Variants in SCARA3 observed in about 807,000 individuals in gnomAD.
The protein encoded by SCARA3 is cellular stress response gene protein.
Under a neutral mutation model 47.0 loss-of-function variants are expected in SCARA3, and 39 were observed. The observed-to-expected ratio is 0.83, with a 90% CI of 0.64 to 1.08. The LOEUF is 1.08. Among genes scored for constraint, SCARA3 ranks in the 50% least tolerant of loss-of-function variants. The probability of loss-of-function intolerance (pLI) is 0.00; values close to 1 mark genes in which losing one functional copy is unlikely to be tolerated. For missense variants in SCARA3, 724 were observed against 792.3 expected, an observed-to-expected ratio of 0.91 and a Z score of 1.04; for synonymous variants, 356 against 334.1, an observed-to-expected ratio of 1.07 and a Z score of -0.71.
At chr8:27,708,460 G>GGGGT in the SCARA3 span, among the ~76,000 whole-genome samples, 2 of 152,044 alleles carry the variant, frequency 1.3e-5, no homozygotes, top group Non-Finnish European at 2.9e-5. Context: ...TTGAGAGGAT[G>GGGGT]GGGTGGGGGA....
At chr8:27,647,878 C>A (rs1003888515) in intron 1 of SCARA3, among the ~76,000 whole-genome samples, 1 of 152,242 alleles carries the variant, frequency 6.6e-6, no homozygotes, top group Non-Finnish European at 1.5e-5. Flanking sequence ...ACCAACAGCG[C>A]CTTGCCAACT....
chr8:27,643,363 G>A (rs370853074), intron 1 of SCARA3, among the ~76,000 whole-genome samples: 1 of 152,216 alleles, frequency 6.6e-6, no homozygotes, highest in African/African-American at 2.4e-5. Flanking sequence ...CTTTAGGGAT[G>A]CAGGAGCTTG....
At chr8:27,651,425 C>T (rs760698512) in intron 2 of SCARA3, 83 bp from the exon 3 acceptor site, 4 of 1,519,036 alleles carry the variant, frequency 2.6e-6, no homozygotes, top group Non-Finnish European at 2.7e-6. Flanking sequence ...ATGAGACAGA[C>T]CAGAGCAGGA....
chr8:27,707,280 G>A, the SCARA3 span, among the ~76,000 whole-genome samples: 8 of 152,230 alleles, frequency 5.3e-5, no homozygotes, highest in East Asian at 1.5e-3. Context: ...TCCCCCAAAG[G>A]AATGGCAAAG....
intron 5 of SCARA3, among the ~76,000 whole-genome samples, chr8:27,665,343 T>C (rs1454452777): frequency 6.6e-6 from 1 of 152,242 alleles, no homozygotes; most frequent in Non-Finnish European, 1.5e-5. Flanking sequence ...ACAGAAAGAC[T>C]GTGGTACTTT....
At chr8:27,730,628 G>A in the SCARA3 span, among the ~76,000 whole-genome samples, 1 of 151,806 alleles carries the variant, frequency 6.6e-6, no homozygotes, top group South Asian at 2.1e-4. Context: ...GGACTATAAG[G>A]CGACTGCCAA....
chr8:27,707,969 A>G, the SCARA3 span, among the ~76,000 whole-genome samples: 367 of 152,348 alleles, frequency 2.4e-3, 2 homozygotes, highest in African/African-American at 8.4e-3. Flanking sequence ...TTTGCCAGAC[A>G]TGCAAAGATT....
At chr8:27,710,374 A>C in the SCARA3 span, among the ~76,000 whole-genome samples, 1 of 152,178 alleles carries the variant, frequency 6.6e-6, no homozygotes, top group African/African-American at 2.4e-5. Flanking sequence ...ATTGCCATAC[A>C]TTCGCATATT....
chr8:27,679,883 C>G (rs963481335), downstream of SCARA3: 5 of 152,092 alleles, frequency 3.3e-5, no homozygotes, highest in South Asian at 2.1e-4. Context: ...CAGAGATTAG[C>G]CTGACCCTTG....
chr8:27,657,833 C>G (rs1429134011), intron 4 of SCARA3, among the ~76,000 whole-genome samples: 1 of 152,152 alleles, frequency 6.6e-6, no homozygotes, highest in Non-Finnish European at 1.5e-5. Context: ...AGCCACTGCA[C>G]CCAGCATCTA....
chr8:27,674,492 G>A (rs1802232290), downstream of SCARA3, among the ~76,000 whole-genome samples: 1 of 152,140 alleles, frequency 6.6e-6, no homozygotes, highest in Admixed American at 6.5e-5. Flanking sequence ...CTGACATGCT[G>A]TGTTCCTCTG....
chr8:27,648,117 G>GT (rs1365706116), intron 1 of SCARA3, among the ~76,000 whole-genome samples: 1 of 152,228 alleles, frequency 6.6e-6, no homozygotes, highest in African/African-American at 2.4e-5. Context: ...CCTCAAGGTG[G>GT]TTGTAGGTAT....
chr8:27,661,951 C>A (rs1427199508), intron 5 of SCARA3, among the ~76,000 whole-genome samples: 1 of 152,162 alleles, frequency 6.6e-6, no homozygotes, highest in Admixed American at 6.5e-5. Context: ...TTCCCCTTGG[C>A]AGTCAGGATC....
At chr8:27,713,407 T>C in the SCARA3 span, among the ~76,000 whole-genome samples, 1 of 152,252 alleles carries the variant, frequency 6.6e-6, no homozygotes, top group African/African-American at 2.4e-5. Context: ...GTTTCCTTTG[T>C]AGAGTAACTC....
the SCARA3 span, among the ~76,000 whole-genome samples, chr8:27,716,861 C>T: frequency 2.4e-4 from 37 of 152,264 alleles, no homozygotes; most frequent in African/African-American, 7.0e-4. Flanking sequence ...TTGATTAAAA[C>T]GAACACCGCC....
intron 5 of SCARA3, 127 bp downstream of exon 5, chr8:27,659,666 T>A: frequency 1.3e-6 from 1 of 753,830 alleles, no homozygotes; most frequent in Non-Finnish European, 2.1e-6. Context: ...AGCAAATGCC[T>A]ACAGCAGTCG....
chr8:27,658,475 T>A, intron 4 of SCARA3, 21 bp from the exon 5 acceptor site: 2 of 1,570,738 alleles, frequency 1.3e-6, no homozygotes, highest in Non-Finnish European at 8.6e-7. Flanking sequence ...CAACTCAAAC[T>A]GTTATCCCTT....
chr8:27,635,363 G>A (rs889245252), intron 1 of SCARA3, among the ~76,000 whole-genome samples: 3 of 152,144 alleles, frequency 2.0e-5, no homozygotes, highest in African/African-American at 7.2e-5. Flanking sequence ...TGGCTTCATG[G>A]CTTCTGCAAC....
At chr8:27,729,123 G>C in the SCARA3 span, among the ~76,000 whole-genome samples, 6 of 152,198 alleles carry the variant, frequency 3.9e-5, no homozygotes, top group Non-Finnish European at 7.3e-5. Context: ...AATCTGATCT[G>C]TTCATCCAAG....
Sources: allele counts gnomAD v4.1 joint callset (sites outside exome capture counted in the v4.1 genomes callset), GRCh38; gene constraint gnomAD v4.1.1; transcripts MANE v1.5; gene names NCBI Gene and HGNC (gene_info 2026-07-23, HGNC 2026-07-21).